The following ZNF804B variants were observed in gnomAD, a reference collection of about 807,000 sequenced individuals.
ZNF804B encodes zinc finger 804B.
In ZNF804B, 80 loss-of-function variants were observed where a neutral mutation model predicts 101.4. The ratio of observed to expected loss-of-function variants is 0.79; its 90% CI spans 0.66 to 0.95. ZNF804B has a LOEUF of 0.95. Ranked by LOEUF, ZNF804B falls within the 40% of genes least tolerant of loss-of-function variation. ZNF804B has a pLI of 0.00. For missense variants in ZNF804B, 1,673 were observed against 1,561.9 expected (o/e 1.07, Z -1.20); for synonymous variants, 622 against 558.8 (o/e 1.11, Z -1.59).
chr7:88,829,494 G>C (rs1791100007), intron 1 of ZNF804B, among the ~76,000 whole-genome samples: 1 of 151,970 alleles, frequency 6.6e-6, no homozygotes, highest in Admixed American at 6.6e-5. Flanking sequence ...CTATTAAAGG[G>C]AAACTGAGAA....
chr7:89,268,406 C>T (rs1428057818), intron 2 of ZNF804B, among the ~76,000 whole-genome samples: 3 of 152,042 alleles, frequency 2.0e-5, no homozygotes, highest in African/African-American at 7.2e-5. Context: ...CAACAAATCC[C>T]ACCTATGTTA....
At chr7:89,201,965 A>G (rs370919253) in intron 1 of ZNF804B, among the ~76,000 whole-genome samples, 210 of 152,150 alleles carry the variant, frequency 1.4e-3, no homozygotes, top group African/African-American at 4.8e-3. Context: ...AAATACACAC[A>G]GTACTTTAAA....
At chr7:89,167,260 ACT>A (rs1184761278) in intron 1 of ZNF804B, among the ~76,000 whole-genome samples, 11 of 150,380 alleles carry the variant, frequency 7.3e-5, no homozygotes, top group Non-Finnish European at 1.5e-4. Context: ...ACATGGTGAA[ACT>A]CTGTCTCTGC....
chr7:88,970,277 T>C (rs1364672537), intron 1 of ZNF804B, among the ~76,000 whole-genome samples: 1 of 151,500 alleles, frequency 6.6e-6, no homozygotes, highest in East Asian at 2.0e-4. Context: ...GCCATGGTGG[T>C]TTGCTGCACC....
At position 89,337,320 on chromosome 7, in the gene ZNF804B, A is replaced by G. The variant is rs79975509; in HGVS notation, c.*288A>G. Among the ~76,000 whole-genome samples, 237 of 152,310 alleles carry G rather than the reference A, an allele frequency of 1.6e-3. 2 individuals carry two copies. In the East Asian group the frequency reaches 0.036, roughly 23 times the overall value. ...ATGGGTTCTCGCATAATGTTATAAA[A>G]TAGCAACAGAAAACATTCAAGCAGA... On this transcript the variant is annotated 3_prime_UTR_variant, in exon 4 of 4. Transcript: ENST00000333190.
chr7:88,913,057 C>G (rs1792573486), intron 1 of ZNF804B, among the ~76,000 whole-genome samples: 1 of 152,060 alleles, frequency 6.6e-6, no homozygotes, highest in South Asian at 2.1e-4. Context: ...GCTTCCTGGT[C>G]AACAAAGCCA....
At chr7:89,280,494 A>C (rs541598232) in intron 2 of ZNF804B, among the ~76,000 whole-genome samples, 1 of 152,192 alleles carries the variant, frequency 6.6e-6, no homozygotes, top group Non-Finnish European at 1.5e-5. Context: ...AGGATCAACA[A>C]AATTGATAGA....
chr7:89,260,178 G>A (rs1351497659), intron 2 of ZNF804B, among the ~76,000 whole-genome samples: 2 of 152,116 alleles, frequency 1.3e-5, no homozygotes, highest in East Asian at 3.9e-4. Flanking sequence ...GCCAGCTGGT[G>A]CTTATTTTTT....
At chr7:89,065,172 G>A (rs1266302216) in intron 1 of ZNF804B, among the ~76,000 whole-genome samples, 1 of 152,164 alleles carries the variant, frequency 6.6e-6, no homozygotes, top group Admixed American at 6.5e-5. Flanking sequence ...GGTCATGTGA[G>A]CAAGTAAACT....
chr7:88,816,993 C>A (rs1296996531), intron 1 of ZNF804B, among the ~76,000 whole-genome samples: 3 of 151,142 alleles, frequency 2.0e-5, no homozygotes, highest in Non-Finnish European at 4.4e-5. Flanking sequence ...AAATGTCCAA[C>A]CATTATAGAC....
intron 1 of ZNF804B, among the ~76,000 whole-genome samples, chr7:89,194,028 C>T (rs2115623584): frequency 6.6e-6 from 1 of 152,228 alleles, no homozygotes; most frequent in South Asian, 2.1e-4. Context: ...GATGGTATCT[C>T]ATTGTGGTTT....
At chr7:89,128,763 T>C (rs1790507070) in intron 1 of ZNF804B, among the ~76,000 whole-genome samples, 1 of 152,100 alleles carries the variant, frequency 6.6e-6, no homozygotes, top group South Asian at 2.1e-4. Flanking sequence ...TAAATCACTA[T>C]CTTTGCATTT....
chr7:89,267,877 A>C (rs1433013674), intron 2 of ZNF804B, among the ~76,000 whole-genome samples: 4 of 152,170 alleles, frequency 2.6e-5, no homozygotes, highest in Non-Finnish European at 5.9e-5. Context: ...GATTTGTGAC[A>C]TATTGTGGGG....
At chr7:88,862,590 T>C (rs376065152) in intron 1 of ZNF804B, among the ~76,000 whole-genome samples, 2 of 152,310 alleles carry the variant, frequency 1.3e-5, no homozygotes. Context: ...CCTTTGTAGA[T>C]TACTTGTAAC....
At chr7:88,875,840 G>C (rs1186406376) in intron 1 of ZNF804B, among the ~76,000 whole-genome samples, 2 of 152,120 alleles carry the variant, frequency 1.3e-5, no homozygotes, top group African/African-American at 2.4e-5. Flanking sequence ...TACTAAAGCT[G>C]GGCAGAGACA....
rs762395023 is a variant in ZNF804B at position 89,100,524 on chromosome 7, A to G, written c.109-117631A>G. 7.0e-4 allele frequency among the ~76,000 whole-genome samples: 106 copies of G among 152,248 alleles called. 2 individuals carry two copies. The Middle Eastern group carries it at 0.014, about 20-fold the overall frequency. On this transcript the variant is annotated intron_variant, in intron 1 of 3. Transcript: ENST00000333190. ...AGGAAACAATCAACAAAGTGAAGAG[A>G]CAACCTATAGAATGGGAGAAAATAT... is the stretch of plus-strand genomic sequence containing the variant.
intron 1 of ZNF804B, among the ~76,000 whole-genome samples, chr7:88,995,570 C>T (rs1287004568): frequency 7.9e-5 from 12 of 151,958 alleles, no homozygotes; most frequent in Admixed American, 5.9e-4. Context: ...AGCATTCTCA[C>T]CTCCAGTTGG....
chr7:89,275,412 C>T (rs962130920), intron 2 of ZNF804B, among the ~76,000 whole-genome samples: 1 of 151,884 alleles, frequency 6.6e-6, no homozygotes, highest in Non-Finnish European at 1.5e-5. Context: ...TCAAAACCCT[C>T]CAGCTCTTTT....
At chr7:89,112,775 G>A (rs779829045) in intron 1 of ZNF804B, among the ~76,000 whole-genome samples, 15 of 152,126 alleles carry the variant, frequency 9.9e-5, no homozygotes, top group Non-Finnish European at 2.1e-4. Flanking sequence ...TGAAGAGAGA[G>A]GAATTAGGGA....
Sources: allele counts gnomAD v4.1 joint callset (sites outside exome capture counted in the v4.1 genomes callset), GRCh38; gene constraint gnomAD v4.1.1; transcripts MANE v1.5; gene names NCBI Gene and HGNC (gene_info 2026-07-23, HGNC 2026-07-21).